The following SLC47A2 variants were observed in gnomAD, a reference collection of about 807,000 sequenced individuals.
SLC47A2 encodes multidrug and toxin extrusion protein 2.
In SLC47A2, 52 loss-of-function variants were observed where a neutral mutation model predicts 67.7. The observed-to-expected ratio is 0.77, with a 90% confidence interval of 0.61 to 0.97. The LOEUF (loss-of-function observed/expected upper bound fraction) is 0.97, where lower values mean the gene tolerates loss of function less well. Ranked by LOEUF, SLC47A2 falls within the 50% of genes least tolerant of loss-of-function variation. SLC47A2 has a pLI of 0.00. For synonymous variants in SLC47A2, 278 were observed against 292.9 expected, an observed-to-expected ratio of 0.95 and a Z score of 0.52; for missense variants, 676 against 712.3, an observed-to-expected ratio of 0.95 and a Z score of 0.58.
At chr17:19,701,514 C>T (rs556248072) in intron 13 of SLC47A2, among the ~76,000 whole-genome samples, 94 of 152,176 alleles carry the variant, frequency 6.2e-4, no homozygotes, top group African/African-American at 2.1e-3. Context: ...CTGGAATGCG[C>T]CAGTATTGCT....
intron 5 of SLC47A2, among the ~76,000 whole-genome samples, chr17:19,710,290 A>T (rs12325921): frequency 0.034 from 5,132 of 152,276 alleles, 263 homozygotes; most frequent in African/African-American, 0.12. Flanking sequence ...TGACCTAGAT[A>T]GATGTACTGT....
intron 13 of SLC47A2, among the ~76,000 whole-genome samples, chr17:19,689,718 GAAAT>G (rs1417568254): frequency 6.7e-6 from 1 of 149,292 alleles, no homozygotes; most frequent in Admixed American, 6.7e-5. Flanking sequence ...AAAAGAAAAA[GAAAT>G]GAATGATCCC....
chr17:19,680,107 C>G (rs148610184), intron 15 of SLC47A2, 68 bp from the exon 16 acceptor site: 1 of 1,467,698 alleles, frequency 6.8e-7, no homozygotes, highest in Non-Finnish European at 9.4e-7. Flanking sequence ...CTGCTAGCCT[C>G]GCATTCTCTG....
In SLC47A2 at chr17:19,681,394, C is replaced by A; in HGVS notation, c.1365G>T (p.Arg455=). The change falls in exon 15 of 17, where the codon CGG becomes CGT. Residue 455 remains arginine (R), a synonymous_variant. Transcript: ENST00000433844. ...ATAAFVAYTA[R]LDWKLAAEEA... is the part of the protein sequence containing the mutation. ...CCTCTGCAGCAAGCTTCCAGTCCAGCCGGGCAGTATAAGCAACAAAGGCAG... is the reference window on the plus strand; with the variant it reads ...CCTCTGCAGCAAGCTTCCAGTCCAGACGGGCAGTATAAGCAACAAAGGCAG... The A allele has an allele frequency of 6.2e-7, 1 of 1,611,684 alleles. No individual in the cohort carries two copies. Among genetic ancestry groups the A allele is most frequent in the South Asian group, 1.1e-5 (1 of 90,578 alleles).
chr17:19,715,323 G>A (rs1227935223), intron 1 of SLC47A2, 106 bp from the exon 2 acceptor site: 14 of 966,970 alleles, frequency 1.4e-5, no homozygotes, highest in Non-Finnish European at 2.2e-5. Context: ...AGTGCCCCGA[G>A]AGGTCACCTA....
chr17:19,696,181 G>A lies in SLC47A2; in HGVS notation c.1164+6424C>T, dbSNP rs530299367. 1.9e-4 allele frequency among the ~76,000 whole-genome samples: 29 copies of A among 151,188 alleles called. No individual in the cohort carries two copies. The South Asian group carries it at 2.9e-3, about 15-fold the overall frequency. On this transcript the variant is annotated intron_variant, in intron 13 of 16. Transcript: ENST00000433844. ...AAAAGAGGGAATTTGGGCCTGGTGCGGTGGCTCACACCTGTAATCCCAGCA... is the reference window on the plus strand; with the variant it reads ...AAAAGAGGGAATTTGGGCCTGGTGCAGTGGCTCACACCTGTAATCCCAGCA...
chr17:19,709,269 G>A (rs911006713), intron 5 of SLC47A2, among the ~76,000 whole-genome samples: 7 of 152,342 alleles, frequency 4.6e-5, no homozygotes, highest in East Asian at 1.9e-4. Context: ...GGGGTGGCGG[G>A]CCCTTCCCTG....
At chr17:19,705,638 C>T (rs988553801) in intron 9 of SLC47A2, 135 bp from the exon 10 acceptor site, 83 of 795,026 alleles carry the variant, frequency 1.0e-4, no homozygotes, top group African/African-American at 4.9e-4. Flanking sequence ...CTCACTCTGT[C>T]GCTTGAGCTG....
chr17:19,687,639 A>T (rs975479181), intron 13 of SLC47A2, among the ~76,000 whole-genome samples: 2 of 152,140 alleles, frequency 1.3e-5, no homozygotes, highest in Non-Finnish European at 2.9e-5. Context: ...AAAGATCCAG[A>T]TAAAATCAGA....
intron 4 of SLC47A2, among the ~76,000 whole-genome samples, chr17:19,713,366 C>CGG (rs1375515593): frequency 6.6e-6 from 1 of 151,594 alleles, no homozygotes; most frequent in Non-Finnish European, 1.5e-5. Flanking sequence ...CCAGCCTGGG[C>CGG]GACAGAGCGA....
At chr17:19,712,074 C>T (rs1228210762) in intron 5 of SLC47A2, among the ~76,000 whole-genome samples, 1 of 152,020 alleles carries the variant, frequency 6.6e-6, no homozygotes, top group Non-Finnish European at 1.5e-5. Flanking sequence ...TGTTTGAATA[C>T]ACACACCCGT....
intron 15 of SLC47A2, 123 bp from the exon 16 acceptor site, chr17:19,680,162 A>G (rs1311719385): frequency 1.1e-6 from 1 of 875,526 alleles, no homozygotes; most frequent in Non-Finnish European, 1.7e-6. Context: ...GCATGTATTC[A>G]TAGTCATGGG....
chr17:19,703,007 G>C, intron 12 of SLC47A2, 85 bp downstream of exon 12: 1 of 1,436,646 alleles, frequency 7.0e-7, no homozygotes, highest in Non-Finnish European at 9.7e-7. Flanking sequence ...GCCCAGCACT[G>C]AGCCAGGAAT....
At chr17:19,680,213 C>T (rs1458850096) in intron 15 of SLC47A2, among the ~76,000 whole-genome samples, 174 bp from the exon 16 acceptor site, 1 of 152,160 alleles carries the variant, frequency 6.6e-6, no homozygotes, top group Admixed American at 6.5e-5. Flanking sequence ...CATGGTGGCT[C>T]ACACCTGTAA....
rs965934619 is a variant in SLC47A2 at position 19,681,000 on chromosome 17, T to G, written c.1392+367A>C. On this transcript the variant is annotated intron_variant, in intron 15 of 16. Coordinates refer to ENST00000433844, the MANE Select transcript of SLC47A2 (RefSeq NM_001099646.3). ...AGGCCAAGGTGGGCGGATCACGAGGTCAGGAGATCGAGACCATCCTGGCTA... is the reference window on the plus strand; with the variant it reads ...AGGCCAAGGTGGGCGGATCACGAGGGCAGGAGATCGAGACCATCCTGGCTA... Among the ~76,000 whole-genome samples the G allele has an allele frequency of 7.9e-5, 12 of 151,980 alleles. No individual in the cohort carries two copies. The South Asian group carries it at 2.5e-3, about 32-fold the overall frequency.
Position 19,679,995 on chromosome 17 carries a change from G to A in SLC47A2, c.1437C>T (p.Ser479=), listed in dbSNP as rs148293952. ...SGRQQQQRAE[S]TATRPGPEKA... ...TCTCAGGCCCAGGTCTGGTTGCAGT[G>A]CTCTCTGCTCTCTGCTGCTGCTGCC... The change falls in exon 16 of 17, where the codon AGC becomes AGT. Residue 479 remains serine, a synonymous_variant. Coordinates refer to ENST00000433844, the MANE Select transcript of SLC47A2 (RefSeq NM_001099646.3). The A allele has an allele frequency of 2.5e-6, 4 of 1,613,950 alleles. No individual in the cohort carries two copies. In the African/African-American group the frequency reaches 5.3e-5, roughly 22 times the overall value.
intron 13 of SLC47A2, among the ~76,000 whole-genome samples, chr17:19,696,815 A>C (rs1342493516): frequency 6.6e-6 from 1 of 152,222 alleles, no homozygotes; most frequent in Non-Finnish European, 1.5e-5. Context: ...ACAGAAATTT[A>C]TTTGGCTCAC....
chr17:19,718,035 A>C (rs2086300663), upstream of SLC47A2: 2 of 152,346 alleles, frequency 1.3e-5, no homozygotes, highest in East Asian at 3.8e-4. Flanking sequence ...GGCTATTGCT[A>C]GTATGTCTGA....
intron 13 of SLC47A2, among the ~76,000 whole-genome samples, chr17:19,687,925 AC>A (rs776097136): frequency 6.6e-6 from 1 of 152,300 alleles, no homozygotes; most frequent in South Asian, 2.1e-4. Context: ...AAAGCCCAGG[AC>A]CCAATGACTT....
Sources: allele counts gnomAD v4.1 joint callset (sites outside exome capture counted in the v4.1 genomes callset), GRCh38; gene constraint gnomAD v4.1.1; transcripts MANE v1.5; gene names NCBI Gene and HGNC (gene_info 2026-07-23, HGNC 2026-07-21).